PTER: variants seen among roughly 807,000 people sequenced by gnomAD.
The protein encoded by PTER is phosphotriesterase related, also known as N-acetyltaurine hydrolase.
PTER carries 38 observed loss-of-function variants against 29.6 expected under a neutral mutation model. The observed-to-expected ratio is 1.28, with a 90% CI of 0.99 to 1.68. The LOEUF (loss-of-function observed/expected upper bound fraction) is 1.68, where lower values mean the gene tolerates loss of function less well. PTER is among the 40% of genes most tolerant of loss of function. PTER has a pLI of 0.00. For missense variants in PTER, 482 were observed against 427.8 expected, an observed-to-expected ratio of 1.13 and a Z score of -1.12; for synonymous variants, 172 against 154.5, an observed-to-expected ratio of 1.11 and a Z score of -0.84.
chr10:16,441,421 G>C (rs539912819), intron 1 of PTER, among the ~76,000 whole-genome samples: 1 of 152,174 alleles, frequency 6.6e-6, no homozygotes, highest in South Asian at 2.1e-4. Context: ...TTTTAAATAT[G>C]ATTTCCTGGC....
intron 3 of PTER, among the ~76,000 whole-genome samples, chr10:16,498,270 A>G (rs1460065392): frequency 6.6e-6 from 1 of 152,230 alleles, no homozygotes; most frequent in Non-Finnish European, 1.5e-5. Context: ...GGAGTAAGAA[A>G]GAATAGAATT....
intron 3 of PTER, 24 bp from the exon 4 acceptor site, chr10:16,504,996 G>A (rs2133503641): frequency 6.2e-7 from 1 of 1,612,442 alleles, no homozygotes. Context: ...CATAATAACA[G>A]TTCATCTGTC....
intron 1 of PTER, among the ~76,000 whole-genome samples, chr10:16,471,558 A>G (rs1378001402): frequency 3.9e-5 from 6 of 152,228 alleles, no homozygotes; most frequent in Admixed American, 2.6e-4. Flanking sequence ...GTGTAGATAC[A>G]TACACTCCGT....
At chr10:16,458,802 A>C (rs936602806) in intron 1 of PTER, among the ~76,000 whole-genome samples, 1 of 152,140 alleles carries the variant, frequency 6.6e-6, no homozygotes, top group African/African-American at 2.4e-5. Context: ...AAACAGTACC[A>C]AGACACAAGA....
At chr10:16,498,548 A>C (rs1588626351) in intron 3 of PTER, among the ~76,000 whole-genome samples, 1 of 152,210 alleles carries the variant, frequency 6.6e-6, no homozygotes, top group Non-Finnish European at 1.5e-5. Flanking sequence ...GCGCCACTGC[A>C]CTCCAGCCTG....
chr10:16,487,219 T>G (rs1013925162), intron 3 of PTER, among the ~76,000 whole-genome samples: 1 of 152,202 alleles, frequency 6.6e-6, no homozygotes, highest in East Asian at 1.9e-4. Context: ...TGGGTGCCCC[T>G]AAACAACAGA....
chr10:16,448,576 G>A (rs566353096), intron 1 of PTER, among the ~76,000 whole-genome samples: 8 of 152,124 alleles, frequency 5.3e-5, no homozygotes, highest in African/African-American at 1.2e-4. Flanking sequence ...GAGGTGGAAG[G>A]CCCCTGAATT....
chr10:16,493,711 T>C (rs1835989448), intron 3 of PTER, among the ~76,000 whole-genome samples: 2 of 147,478 alleles, frequency 1.4e-5, no homozygotes, highest in South Asian at 4.3e-4. Flanking sequence ...GCAGAAAGGA[T>C]GGAAGGAAGG....
At chr10:16,509,120 TTTGTC>T (rs1310549330) in intron 4 of PTER, among the ~76,000 whole-genome samples, 1 of 152,226 alleles carries the variant, frequency 6.6e-6, no homozygotes. Flanking sequence ...ACCGTGATTT[TTTGTC>T]TTCTCGTCTG....
intron 1 of PTER, among the ~76,000 whole-genome samples, chr10:16,440,537 G>T (rs76248002): frequency 1.3e-5 from 2 of 152,218 alleles, no homozygotes; most frequent in African/African-American, 4.8e-5. Flanking sequence ...CCTGCTCAGC[G>T]TGAGAGCTGT....
intron 1 of PTER, among the ~76,000 whole-genome samples, chr10:16,468,067 C>A (rs962611064): frequency 3.9e-5 from 6 of 152,230 alleles, no homozygotes; most frequent in Admixed American, 1.3e-4. Context: ...AATGGCCAGG[C>A]ATGGTGGCTC....
intron 1 of PTER, among the ~76,000 whole-genome samples, chr10:16,478,470 A>C (rs1276661240): frequency 6.6e-6 from 1 of 151,548 alleles, no homozygotes; most frequent in Non-Finnish European, 1.5e-5. Context: ...AGTAGCTGGT[A>C]TTACAGGTGC....
intron 1 of PTER, among the ~76,000 whole-genome samples, chr10:16,469,561 A>C (rs143246284): frequency 6.6e-6 from 1 of 152,074 alleles, no homozygotes; most frequent in East Asian, 1.9e-4. Flanking sequence ...GGATTTAGAA[A>C]CTGAGTGGGT....
At chr10:16,478,396 C>A (rs566125958) in intron 1 of PTER, among the ~76,000 whole-genome samples, 2 of 149,420 alleles carry the variant, frequency 1.3e-5, no homozygotes, top group Non-Finnish European at 3.0e-5. Flanking sequence ...TGCAATGGCA[C>A]GATTTTGGCT....
intron 3 of PTER, among the ~76,000 whole-genome samples, chr10:16,498,604 T>C (rs1336243810): frequency 1.3e-5 from 2 of 151,916 alleles, no homozygotes; most frequent in African/African-American, 2.4e-5. Flanking sequence ...AAAAAACAAC[T>C]CTCAAGAAGT....
intron 1 of PTER, among the ~76,000 whole-genome samples, 182 bp from the exon 2 acceptor site, chr10:16,484,155 A>ATAAGTGCAGAT (rs1835588778): frequency 6.6e-6 from 1 of 152,140 alleles, no homozygotes. Flanking sequence ...CACGCACGTC[A>ATAAGTGCAGAT]CTTAGATCTG....
intron 1 of PTER, among the ~76,000 whole-genome samples, chr10:16,482,994 C>T (rs1167146823): frequency 6.6e-6 from 1 of 152,144 alleles, no homozygotes; most frequent in Non-Finnish European, 1.5e-5. Flanking sequence ...GTTGGCCAGG[C>T]TGGTCTCAAA....
At chr10:16,486,811 C>T (rs1697719967) in intron 3 of PTER, 194 bp downstream of exon 3, 3 of 618,258 alleles carry the variant, frequency 4.9e-6, no homozygotes, top group Non-Finnish European at 8.2e-6. Flanking sequence ...TGTCCCTCCT[C>T]TGTGTCAGAT....
At chr10:16,482,726 C>T (rs544216047) in intron 1 of PTER, among the ~76,000 whole-genome samples, 2 of 152,222 alleles carry the variant, frequency 1.3e-5, no homozygotes, top group East Asian at 3.9e-4. Context: ...AGGAGTTTGT[C>T]CTCACTATTT....
Sources: allele counts gnomAD v4.1 joint callset (sites outside exome capture counted in the v4.1 genomes callset), GRCh38; gene constraint gnomAD v4.1.1; transcripts MANE v1.5; gene names NCBI Gene and HGNC (gene_info 2026-07-23, HGNC 2026-07-21).